Variants in FAM210B observed in about 807,000 individuals in gnomAD.
FAM210B encodes family with sequence similarity 210 member B.
FAM210B carries 11 observed loss-of-function variants against 14.9 expected under a neutral mutation model. The ratio of observed to expected loss-of-function variants is 0.74; its 90% CI spans 0.46 to 1.22. The LOEUF (loss-of-function observed/expected upper bound fraction) is 1.22, where lower values mean the gene tolerates loss of function less well. Among genes scored for constraint, FAM210B ranks in the 50% most tolerant of loss-of-function variants. The pLI is 0.00. For missense variants in FAM210B, 229 were observed against 250.1 expected (o/e 0.92, Z 0.57); for synonymous variants, 113 against 110.2 (o/e 1.03, Z -0.16).
rs17851557 is a variant in FAM210B, at chr20:56,366,190, C to T, written c.482C>T (p.Ala161Val). ...VVAYAIHKLF[A>V]PVRISITLVS... ...GCCTATGCAATCCACAAGCTGTTTG[C>T]GCCAGTGAGAATCAGCATTACGCTA... The change falls in exon 3 of 3, where the codon GCG (alanine) becomes GTG (valine). Residue 161 changes from alanine to valine, a missense_variant. Transcript: ENST00000371384. The T allele has an allele frequency of 3.1e-6, 5 of 1,614,166 alleles. No homozygotes were observed. The highest frequency in any genetic ancestry group is 2.2e-5 in the East Asian group (1 of 44,888).
chr20:56,359,709 TTTTCCTTCAGAGCAGTCATACCAGC>T lies in FAM210B; in HGVS notation c.186+526_186+550del, dbSNP rs1298910158. On this transcript the variant is annotated intron_variant, in intron 1 of 2. Transcript: ENST00000371384. This position sits in a 1 kb window ranked among gnomAD's most constrained non-coding sequence, Gnocchi z 4.3. ...TCCATTGGTGCTAAGTGAAAACTGGTTTTCCTTCAGAGCAGTCATACCAGCTTTCCTTTCAAGAAATCTATCACTT... is the reference window on the plus strand; with the variant it reads ...TCCATTGGTGCTAAGTGAAAACTGGTTTTCCTTTCAAGAAATCTATCACTT... Among the ~76,000 whole-genome samples, 1 of 152,204 alleles carries T rather than the reference TTTTCCTTCAGAGCAGTCATACCAGC, an allele frequency of 6.6e-6. No individual in the cohort carries two copies. The highest frequency in any genetic ancestry group is 1.5e-5 in the Non-Finnish European group (1 of 68,032).
Position 56,363,509 on chromosome 20 carries a change from C to T in FAM210B, c.187-1578C>T, listed in dbSNP as rs1983572921. Among the ~76,000 whole-genome samples, 1 of 152,188 alleles carries T rather than the reference C, an allele frequency of 6.6e-6. No individual in the cohort carries two copies. The highest frequency in any genetic ancestry group is 1.5e-5 in the Non-Finnish European group (1 of 68,032). On this transcript the variant is annotated intron_variant, in intron 1 of 2. Coordinates refer to ENST00000371384, the MANE Select transcript of FAM210B (RefSeq NM_080821.3). The surrounding 1 kb of genome is among the most constrained non-coding windows in gnomAD (Gnocchi z 4.1). ...GGTAAAAGTGGGCCAGCTGCAGAGC[C>T]CATAACAAGAGCTGACCTCCAGCCA...
chr20:56,364,457 G>C (rs1239981077), intron 1 of FAM210B, among the ~76,000 whole-genome samples: 1 of 152,172 alleles, frequency 6.6e-6, no homozygotes, highest in Non-Finnish European at 1.5e-5. Flanking sequence ...CCCTTGTGAT[G>C]ACGTTGGTAA....
intron 1 of FAM210B, chr20:56,360,043 A>G: frequency 2.7e-6 from 1 of 368,992 alleles, no homozygotes; most frequent in South Asian, 2.0e-5. Context: ...GAGCTGGTGC[A>G]GGCCTCAGCG....
In FAM210B at chr20:56,365,256, T is replaced by A. The variant is rs1983606563; in HGVS notation, c.356T>A (p.Val119Glu). ...TCCTTGGGCATATTTTACATGGTTG[T>A]GTCAAGGTAAGATTTTTGACAGTAA... ...LISLGIFYMV[V>E]SSGVDMPAIL... Residue 119 changes from valine to glutamate, a missense_variant, in exon 2 of 3, where the codon GTG becomes GAG. This residue lies in a region of FAM210B where 32 missense variants were observed against 62.2 expected (regional missense o/e 0.51). Coordinates refer to ENST00000371384, the MANE Select transcript of FAM210B (RefSeq NM_080821.3). 6.2e-7 allele frequency: 1 copy of A among 1,611,648 alleles called. No homozygotes were observed. The highest frequency in any genetic ancestry group is 1.3e-5 in the African/African-American group (1 of 74,790).
In FAM210B at chr20:56,363,896, C is replaced by T. The variant is rs1337359220; in HGVS notation, c.187-1191C>T. On this transcript the variant is annotated intron_variant, in intron 1 of 2. Coordinates refer to ENST00000371384, the MANE Select transcript of FAM210B (RefSeq NM_080821.3). This position sits in a 1 kb window ranked among gnomAD's most constrained non-coding sequence, Gnocchi z 4.1. ...TGGCATATAACATGGTTGTCACATGCTCAGGCTGTGGCCTTGGAGGGCCTG... is the reference window on the plus strand; with the variant it reads ...TGGCATATAACATGGTTGTCACATGTTCAGGCTGTGGCCTTGGAGGGCCTG... Among the ~76,000 whole-genome samples, 3 of 152,204 alleles carry T rather than the reference C, an allele frequency of 2.0e-5. No individual in the cohort carries two copies. The highest frequency in any genetic ancestry group is 6.5e-5 in the Admixed American group (1 of 15,284).
rs1214409585 is a variant in FAM210B at position 56,367,251 on chromosome 20, A to G, written c.*964A>G. The G allele has an allele frequency of 6.6e-6, 1 of 152,216 alleles. No homozygotes were observed. Among genetic ancestry groups the G allele is most frequent in the African/African-American group, 2.4e-5 (1 of 41,444 alleles). 9.4% of individuals were successfully genotyped at this position (152,216 alleles called of 1,614,324 possible). A position where few individuals can be genotyped will look rare whatever the true frequency, so the allele number is the denominator to read the frequency against. On this transcript the variant is annotated 3_prime_UTR_variant, in exon 3 of 3. Coordinates refer to ENST00000371384, the MANE Select transcript of FAM210B (RefSeq NM_080821.3). ...CCATGAGATAATACAAGCCAGGGAG[A>G]GGCTTGTATTACATGACAGGTGTAA...
At position 56,359,155 on chromosome 20, in the gene FAM210B, G is replaced by C; in HGVS notation, c.150G>C (p.Leu50=). 2 of 1,243,156 alleles carry C rather than the reference G, an allele frequency of 1.6e-6. No individual in the cohort carries two copies. Among genetic ancestry groups the C allele is most frequent in the Non-Finnish European group, 1.0e-6 (1 of 998,112 alleles). The allele number at this position is 1,243,156 out of a possible 1,614,324, so 77.0% of individuals were successfully genotyped here. Residue 50 remains leucine, a synonymous_variant, in exon 1 of 3, where the codon CTG becomes CTC. Coordinates refer to ENST00000371384, the MANE Select transcript of FAM210B (RefSeq NM_080821.3). The surrounding 1 kb of genome is among the most constrained non-coding windows in gnomAD (Gnocchi z 4.3). ...TCCCGCCCAGGCTAGACGCCCGGCT[G>C]CTCCGCACGGCGCGCGGGGACTGCC... is the stretch of plus-strand genomic sequence containing the variant. The part of the protein sequence containing the change: ...ALLPPRLDAR[L]LRTARGDCRG...
intron 1 of FAM210B, among the ~76,000 whole-genome samples, chr20:56,360,924 T>A (rs1983518802): frequency 6.6e-6 from 1 of 152,182 alleles, no homozygotes; most frequent in South Asian, 2.1e-4. Context: ...CCCACCCTCG[T>A]CGGGAGGTAG....
rs944201999 is a variant in FAM210B, at chr20:56,366,894, A to G, written c.*607A>G. On this transcript the variant is annotated 3_prime_UTR_variant, in exon 3 of 3. Coordinates refer to ENST00000371384, the MANE Select transcript of FAM210B (RefSeq NM_080821.3). ...TCCCCAGATACCTTCCAATCTGGACATGATGGGGCTGATTCCAGATGGTTT... is the reference window on the plus strand; with the variant it reads ...TCCCCAGATACCTTCCAATCTGGACGTGATGGGGCTGATTCCAGATGGTTT... 1 of 152,488 alleles carries G rather than the reference A, an allele frequency of 6.6e-6. No individual in the cohort carries two copies. Among genetic ancestry groups the G allele is most frequent in the African/African-American group, 2.4e-5 (1 of 41,462 alleles). 9.4% of individuals were successfully genotyped at this position (152,488 alleles called of 1,614,324 possible).
At chr20:56,365,420 G>T (rs879531452) in intron 2 of FAM210B, among the ~76,000 whole-genome samples, 158 bp downstream of exon 2, 1 of 151,312 alleles carries the variant, frequency 6.6e-6, no homozygotes, top group African/African-American at 2.4e-5. Flanking sequence ...CTGCAGTCTC[G>T]ACCTCCCTGG....
In FAM210B at chr20:56,367,089, ATCTC is replaced by A. The variant is rs1569024954; in HGVS notation, c.*803_*806del. ...CTCAGCTTTTCTTAGACAATCTTCT[ATCTC>A]AAACTTCAGACATTCCAGAATTGTC... On this transcript the variant is annotated 3_prime_UTR_variant, in exon 3 of 3. Coordinates refer to ENST00000371384, the MANE Select transcript of FAM210B (RefSeq NM_080821.3). The A allele has an allele frequency of 1.3e-5, 2 of 152,594 alleles. No homozygotes were observed. The highest frequency in any genetic ancestry group is 2.9e-5 in the Non-Finnish European group (2 of 68,040). 9.5% of individuals were successfully genotyped at this position (152,594 alleles called of 1,614,324 possible).
chr20:56,365,767 TG>T (rs1454408267), intron 2 of FAM210B, among the ~76,000 whole-genome samples: 1 of 152,120 alleles, frequency 6.6e-6, no homozygotes, highest in African/African-American at 2.4e-5. Context: ...CCTCCCAAAG[TG>T]CTGAGATTAC....
chr20:56,360,053 G>C (rs1569020868), intron 1 of FAM210B: 1 of 383,750 alleles, frequency 2.6e-6, no homozygotes, highest in African/African-American at 2.1e-5. Flanking sequence ...AGGCCTCAGC[G>C]GAGTGCCGCC....
chr20:56,359,009 G>A lies in FAM210B; in HGVS notation c.4G>A (p.Ala2Thr). Residue 2 changes from alanine (A) to threonine (T), a missense_variant, in exon 1 of 3, where the codon GCC becomes ACC. Coordinates refer to ENST00000371384, the MANE Select transcript of FAM210B (RefSeq NM_080821.3). The surrounding 1 kb of genome is among the most constrained non-coding windows in gnomAD (Gnocchi z 4.3). ...GTGCTGCGCCTAGCTGCGCACCATG[G>A]CCGGGTTGCTGGCGTTGCTGGGTCC... M[A>T]GLLALLGPAG... 3 of 1,315,842 alleles carry A rather than the reference G, an allele frequency of 2.3e-6. No individual in the cohort carries two copies. Among genetic ancestry groups the A allele is most frequent in the South Asian group, 3.5e-5 (2 of 56,566 alleles). 81.5% of individuals were successfully genotyped at this position (1,315,842 alleles called of 1,614,324 possible). A position where few individuals can be genotyped will look rare whatever the true frequency, so the allele number is the denominator to read the frequency against.
At chr20:56,360,148 T>G (rs527348997) in intron 1 of FAM210B, 1 of 468,488 alleles carries the variant, frequency 2.1e-6, no homozygotes. Flanking sequence ...TCATGCCTCC[T>G]GCCCAGATCA....
intron 2 of FAM210B, among the ~76,000 whole-genome samples, chr20:56,365,801 C>T (rs1038619802): frequency 6.6e-6 from 1 of 151,990 alleles, no homozygotes; most frequent in Non-Finnish European, 1.5e-5. Flanking sequence ...CCGCGTCAGG[C>T]CGATTGTATG....
intron 2 of FAM210B, 69 bp from the exon 3 acceptor site, chr20:56,366,002 A>G: frequency 1.0e-6 from 1 of 993,628 alleles, no homozygotes; most frequent in Non-Finnish European, 1.4e-6. Context: ...TGTAAATCTT[A>G]TAGCCAAATC....
chr20:56,364,973 T>G, intron 1 of FAM210B, 114 bp from the exon 2 acceptor site: 1 of 1,009,908 alleles, frequency 9.9e-7, no homozygotes, highest in Non-Finnish European at 1.4e-6. Flanking sequence ...AGGAAAGGGG[T>G]AACTGATCTC....
Sources: allele counts gnomAD v4.1 joint callset (sites outside exome capture counted in the v4.1 genomes callset), GRCh38; gene constraint gnomAD v4.1.1; regional missense constraint gnomAD v4.1.1; non-coding constraint Gnocchi (gnomAD v3.1); transcripts MANE v1.5; gene names NCBI Gene and HGNC (gene_info 2026-07-23, HGNC 2026-07-21).